The following DDX39B variants were observed in gnomAD, a reference collection of about 807,000 sequenced individuals.
The protein encoded by DDX39B is spliceosome RNA helicase DDX39B.
A neutral mutation model predicts 46.4 loss-of-function variants in DDX39B; 6 were observed. The ratio of observed to expected loss-of-function variants is 0.13; its 90% CI spans 0.07 to 0.26. The LOEUF is 0.26. Ranked by LOEUF, DDX39B falls within the 10% of genes least tolerant of loss-of-function variation. The pLI is 1.00. For missense variants in DDX39B, 185 were observed against 553.4 expected (o/e 0.33, Z 6.68); for synonymous variants, 174 against 199.4 (o/e 0.87, Z 1.07).
chr6:31,540,703 GCA>G (rs1269323335), intron 1 of DDX39B, 39 bp from the exon 2 acceptor site: 1 of 550,454 alleles, frequency 1.8e-6, no homozygotes, highest in Admixed American at 3.4e-5. Context: ...TTAATCACGA[GCA>G]CAGCCTTCAC....
rs755218640 is a variant in DDX39B at position 31,531,116 on chromosome 6, G to A, written c.1059C>T (p.Ile353=). The A allele has an allele frequency of 7.1e-5, 115 of 1,614,036 alleles. No homozygotes were observed. Among genetic ancestry groups the A allele is most frequent in the Middle Eastern group, 1.6e-4 (1 of 6,084 alleles). ...ATNLFGRGMD[I]ERVNIAFNYD... is the part of the protein sequence containing the mutation. ...AATTAAAAGCAATGTTCACCCGCTC[G>A]ATGTCCATGCCTCGGCCAAATAGGT... Residue 353 remains isoleucine, a synonymous_variant, in exon 9 of 11, where the codon ATC becomes ATT. Transcript: ENST00000396172. This position sits in a 1 kb window ranked among gnomAD's most constrained non-coding sequence, Gnocchi z 5.8.
chr6:31,532,651 A>G, intron 7 of DDX39B, 129 bp downstream of exon 7: 4 of 1,260,236 alleles, frequency 3.2e-6, no homozygotes, highest in Non-Finnish European at 4.4e-6. Flanking sequence ...CCCCTAAGAT[A>G]TTTATACCCT....
intron 1 of DDX39B, chr6:31,541,398 A>G: frequency 2.7e-6 from 1 of 371,760 alleles, no homozygotes; most frequent in South Asian, 2.1e-5. Context: ...ATCTTTACCA[A>G]GTGGTCTCAC....
intron 1 of DDX39B, 175 bp from the exon 2 acceptor site, chr6:31,540,839 G>A: frequency 2.1e-6 from 1 of 478,398 alleles, no homozygotes; most frequent in Non-Finnish European, 3.8e-6. Flanking sequence ...GCAGTACCAG[G>A]GAAAGTGGTT....
chr6:31,530,660 G>C lies in DDX39B; in HGVS notation c.1270+119C>G. 1 of 1,410,248 alleles carries C rather than the reference G, an allele frequency of 7.1e-7. No individual in the cohort carries two copies. Among genetic ancestry groups the C allele is most frequent in the Non-Finnish European group, 9.8e-7 (1 of 1,025,444 alleles). The allele number at this position is 1,410,248 out of a possible 1,614,324, so 87.4% of individuals were successfully genotyped here. A position where few individuals can be genotyped will look rare whatever the true frequency, so the allele number is the denominator to read the frequency against. ...CCAACACAGCATCAAAGACCAGGGG[G>C]CATGAACCAGTCAAGTGTCCATTAT... is the stretch of plus-strand genomic sequence containing the variant. On this transcript the variant is annotated intron_variant, in intron 10 of 10. Transcript: ENST00000396172. This position sits in a 1 kb window ranked among gnomAD's most constrained non-coding sequence, Gnocchi z 4.5.
chr6:31,536,751 A>G (rs1767824818), intron 4 of DDX39B, 68 bp from the exon 5 acceptor site: 4 of 1,557,224 alleles, frequency 2.6e-6, no homozygotes, highest in Non-Finnish European at 3.5e-6. Context: ...CAGGGTTCCC[A>G]CTCTGTTTGA....
At chr6:31,532,543 G>T (rs577195209) in intron 7 of DDX39B, 3 of 446,100 alleles carry the variant, frequency 6.7e-6, no homozygotes, top group Non-Finnish European at 1.2e-5. Context: ...CCTGGCCAAG[G>T]ATCTTAATTT....
At chr6:31,539,991 T>C (rs1165384821) in intron 2 of DDX39B, among the ~76,000 whole-genome samples, 4 of 152,182 alleles carry the variant, frequency 2.6e-5, no homozygotes, top group Non-Finnish European at 5.9e-5. Context: ...ATCCCCTGAT[T>C]TTTTCTTCCT....
In DDX39B at chr6:31,535,146, C is replaced by T; in HGVS notation, c.735+221G>A. The T allele has an allele frequency of 1.7e-6, 1 of 603,794 alleles. No individual in the cohort carries two copies. Among genetic ancestry groups the T allele is most frequent in the South Asian group, 2.0e-5 (1 of 51,178 alleles). 37.4% of individuals were successfully genotyped at this position (603,794 alleles called of 1,614,324 possible). A position where few individuals can be genotyped will look rare whatever the true frequency, so the allele number is the denominator to read the frequency against. On this transcript the variant is annotated intron_variant, in intron 6 of 10. Transcript: ENST00000396172. The surrounding 1 kb of genome is among the most constrained non-coding windows in gnomAD (Gnocchi z 4.6). Reference sequence around the variant, plus strand: ...AAAAGTCGAACACTACCCGCTCTCACATTAACCCGACCAAGTCTTCCGGAG... The same window carrying T: ...AAAAGTCGAACACTACCCGCTCTCATATTAACCCGACCAAGTCTTCCGGAG...
At chr6:31,532,689 G>A in intron 7 of DDX39B, 91 bp downstream of exon 7, 1 of 1,505,808 alleles carries the variant, frequency 6.6e-7, no homozygotes, top group Non-Finnish European at 9.1e-7. Flanking sequence ...TCACACATGT[G>A]ATTTCCTCAA....
Position 31,541,994 on chromosome 6 carries a change from AG to A in DDX39B, c.-178del. The A allele has an allele frequency of 1.5e-6, 1 of 680,096 alleles. No homozygotes were observed. Among genetic ancestry groups the A allele is most frequent in the Non-Finnish European group, 2.7e-6 (1 of 367,582 alleles). The allele number at this position is 680,096 out of a possible 1,614,324, so 42.1% of individuals were successfully genotyped here. A position where few individuals can be genotyped will look rare whatever the true frequency, so the allele number is the denominator to read the frequency against. On this transcript the variant is annotated 5_prime_UTR_variant, in exon 1 of 11. Transcript: ENST00000396172. ...ATGGCGGCAGCAACAGCGACGAAGG[AG>A]GGAAATCTGCCTTCACTTCCGGTTG...
rs1356358379 is a variant in DDX39B at position 31,531,020 on chromosome 6, G to A, written c.1122+33C>T. The A allele has an allele frequency of 6.2e-7, 1 of 1,613,894 alleles. No individual in the cohort carries two copies. The highest frequency in any genetic ancestry group is 2.2e-5 in the East Asian group (1 of 44,882). ...GTACAAACAGAAAACAAGGGAATGG[G>A]AGAGTGGGATTTTTTCAGCCTGTGA... is the stretch of plus-strand genomic sequence containing the variant. On this transcript the variant is annotated intron_variant, in intron 9 of 10. Coordinates refer to ENST00000396172, the MANE Select transcript of DDX39B (RefSeq NM_004640.7). The surrounding 1 kb of genome is among the most constrained non-coding windows in gnomAD (Gnocchi z 5.8).
chr6:31,532,521 T>C (rs940425043), intron 7 of DDX39B: 2 of 379,960 alleles, frequency 5.3e-6, no homozygotes, highest in African/African-American at 2.1e-5. Context: ...ATTACACACA[T>C]AAGCCACCGT....
chr6:31,531,693 A>G lies in DDX39B; in HGVS notation c.868-288T>C, dbSNP rs2516477. 9 of 428,240 alleles carry G rather than the reference A, an allele frequency of 2.1e-5. No individual in the cohort carries two copies. Among genetic ancestry groups the G allele is most frequent in the African/African-American group, 1.8e-4 (9 of 49,864 alleles). The allele number at this position is 428,240 out of a possible 1,614,324, so 26.5% of individuals were successfully genotyped here. On this transcript the variant is annotated intron_variant, in intron 7 of 10. Transcript: ENST00000396172. This position sits in a 1 kb window ranked among gnomAD's most constrained non-coding sequence, Gnocchi z 5.8. ...TGAGATCACCTCATGAAAAAGTGAT[A>G]AAAAACTAGAATTAAGATCTGGAGG...
chr6:31,533,045 C>T, intron 6 of DDX39B, 134 bp from the exon 7 acceptor site: 1 of 614,478 alleles, frequency 1.6e-6, no homozygotes, highest in Non-Finnish European at 3.0e-6. Context: ...AAAACCCCAC[C>T]CCACTCCCAA....
At position 31,535,469 on chromosome 6, in the gene DDX39B, G is replaced by C. The variant is rs777773721; in HGVS notation, c.633C>G (p.Val211=). The C allele has an allele frequency of 1.9e-6, 3 of 1,612,620 alleles. No homozygotes were observed. Among genetic ancestry groups the C allele is most frequent in the Non-Finnish European group, 2.5e-6 (3 of 1,179,584 alleles). The change falls in exon 6 of 11, where the codon GTC becomes GTG. Residue 211 remains valine (V), a synonymous_variant. Coordinates refer to ENST00000396172, the MANE Select transcript of DDX39B (RefSeq NM_004640.7). This position sits in a 1 kb window ranked among gnomAD's most constrained non-coding sequence, Gnocchi z 4.6. ...GGGGGGTCATGCGAAAAATTTCCTG[G>C]ACATCCCGACGCATGTCTACAAGAA... ...MLEQLDMRRD[V]QEIFRMTPHE... is the part of the protein sequence containing the mutation.
chr6:31,541,220 T>G, intron 1 of DDX39B: 1 of 533,520 alleles, frequency 1.9e-6, no homozygotes, highest in Non-Finnish European at 3.8e-6. Context: ...CACTTCTCAG[T>G]ATCCTCCCTT....
intron 4 of DDX39B, 68 bp downstream of exon 4, chr6:31,538,695 G>T: frequency 1.4e-6 from 2 of 1,386,090 alleles, no homozygotes; most frequent in Non-Finnish European, 2.0e-6. Context: ...AGAGACTATT[G>T]GCCTACAAGT....
At position 31,530,294 on chromosome 6, in the gene DDX39B, T is replaced by G; in HGVS notation, c.*140A>C. 1.9e-6 allele frequency: 2 copies of G among 1,047,302 alleles called. No individual in the cohort carries two copies. The highest frequency in any genetic ancestry group is 1.4e-6 in the Non-Finnish European group (1 of 726,956). The allele number at this position is 1,047,302 out of a possible 1,614,324, so 64.9% of individuals were successfully genotyped here. A position where few individuals can be genotyped will look rare whatever the true frequency, so the allele number is the denominator to read the frequency against. On this transcript the variant is annotated 3_prime_UTR_variant, in exon 11 of 11. Transcript: ENST00000396172. This position sits in a 1 kb window ranked among gnomAD's most constrained non-coding sequence, Gnocchi z 4.5. ...AATTCTGACAAATCAGAAATGGGGGTTCAGGAGTGGTGGTGATGCAAAAGA... is the reference window on the plus strand; with the variant it reads ...AATTCTGACAAATCAGAAATGGGGGGTCAGGAGTGGTGGTGATGCAAAAGA...
Sources: allele counts gnomAD v4.1 joint callset (sites outside exome capture counted in the v4.1 genomes callset), GRCh38; gene constraint gnomAD v4.1.1; non-coding constraint Gnocchi (gnomAD v3.1); transcripts MANE v1.5; gene names NCBI Gene and HGNC (gene_info 2026-07-23, HGNC 2026-07-21).